MYO5B: variants seen among roughly 807,000 people sequenced by gnomAD.
The protein encoded by MYO5B is unconventional myosin-Vb.
A neutral mutation model predicts 229.3 loss-of-function variants in MYO5B; 143 were observed. The ratio of observed to expected loss-of-function variants is 0.62; its 90% CI spans 0.54 to 0.72. The LOEUF (loss-of-function observed/expected upper bound fraction) is 0.72. MYO5B is among the 30% of genes least tolerant of loss of function. The probability of loss-of-function intolerance (pLI) is 0.00; values close to 1 mark genes in which losing one functional copy is unlikely to be tolerated. For synonymous variants in MYO5B, 918 were observed against 885.2 expected, an observed-to-expected ratio of 1.04 and a Z score of -0.66; for missense variants, 2,321 against 2,331.0, an observed-to-expected ratio of 1.00 and a Z score of 0.09.
At chr18:50,077,168 T>TTA (rs1491407015) in intron 1 of MYO5B, among the ~76,000 whole-genome samples, 2 of 81,232 alleles carry the variant, frequency 2.5e-5, no homozygotes, top group Non-Finnish European at 4.6e-5. Context: ...TGTGGCAAAG[T>TTA]AAAAAAAAAA....
chr18:49,910,723 G>A lies in MYO5B; in HGVS notation c.2202+1339C>T, dbSNP rs991749964. Among the ~76,000 whole-genome samples the A allele has an allele frequency of 4.6e-5, 7 of 152,254 alleles. No individual in the cohort carries two copies. The East Asian group carries it at 7.7e-4, about 17-fold the overall frequency. On this transcript the variant is annotated intron_variant, in intron 18 of 39. Transcript: ENST00000285039. The stretch of plus-strand genomic sequence containing the variant: ...AAGATGATGCTGGGAAGATGGCTGC[G>A]ACACATTTACAAAATAAAACATGAC...
At chr18:49,837,496 T>TG (rs764095230) in intron 37 of MYO5B, 21 bp downstream of exon 37, 21 of 1,613,306 alleles carry the variant, frequency 1.3e-5, no homozygotes, top group Non-Finnish European at 1.6e-5. Context: ...TCTGTGTTGT[T>TG]GGGGGGTGCT....
At chr18:50,091,070 A>G (rs936249510) in intron 1 of MYO5B, among the ~76,000 whole-genome samples, 2 of 148,714 alleles carry the variant, frequency 1.3e-5, no homozygotes, top group East Asian at 4.1e-4. Context: ...AGCATGAGAG[A>G]ATTCCCCCAG....
At chr18:49,953,457 A>C in intron 13 of MYO5B, 114 bp from the exon 14 acceptor site, 1 of 866,646 alleles carries the variant, frequency 1.2e-6, no homozygotes. Flanking sequence ...TAGATAGGAA[A>C]CCCACAGATG....
intron 27 of MYO5B, among the ~76,000 whole-genome samples, chr18:49,868,507 C>T (rs2024422499): frequency 6.6e-6 from 1 of 152,216 alleles, no homozygotes; most frequent in African/African-American, 2.4e-5. Flanking sequence ...TTGAATCCAG[C>T]TCTGGCTGAT....
chr18:50,055,250 C>T lies in MYO5B; in HGVS notation c.138+18G>A, dbSNP rs773939675. 2 of 1,339,642 alleles carry T rather than the reference C, an allele frequency of 1.5e-6. No homozygotes were observed. The highest frequency in any genetic ancestry group is 2.1e-6 in the Non-Finnish European group (2 of 935,778). The allele number at this position is 1,339,642 out of a possible 1,614,324, so 83.0% of individuals were successfully genotyped here. On this transcript the variant is annotated intron_variant, in intron 2 of 39. Coordinates refer to ENST00000285039, the MANE Select transcript of MYO5B (RefSeq NM_001080467.3). Reference sequence around the variant, plus strand: ...GCCCCACCTCACCCCCGCCCCCCTGCCCCGGACTCACTCTTACCGTTTCAT... The same window carrying T: ...GCCCCACCTCACCCCCGCCCCCCTGTCCCGGACTCACTCTTACCGTTTCAT...
At chr18:49,959,762 G>T (rs1446976638) in intron 12 of MYO5B, among the ~76,000 whole-genome samples, 1 of 152,134 alleles carries the variant, frequency 6.6e-6, no homozygotes, top group Non-Finnish European at 1.5e-5. Flanking sequence ...ATGGGAAGAG[G>T]ATATTAGGAA....
intron 17 of MYO5B, among the ~76,000 whole-genome samples, chr18:49,928,884 G>A (rs2025158388): frequency 6.6e-6 from 1 of 152,152 alleles, no homozygotes; most frequent in Non-Finnish European, 1.5e-5. Context: ...ACAAAAGATG[G>A]TACATTCTCA....
intron 13 of MYO5B, among the ~76,000 whole-genome samples, chr18:49,953,651 C>A (rs2025452997): frequency 6.6e-6 from 1 of 152,154 alleles, no homozygotes; most frequent in East Asian, 1.9e-4. Context: ...TTTAACAAGA[C>A]CCTAGGTGAT....
intron 22 of MYO5B, among the ~76,000 whole-genome samples, chr18:49,881,545 G>A (rs1201074154): frequency 6.6e-6 from 1 of 152,258 alleles, no homozygotes; most frequent in South Asian, 2.1e-4. Flanking sequence ...GCTCACACCT[G>A]TAATCCCAGC....
intron 1 of MYO5B, among the ~76,000 whole-genome samples, chr18:50,164,798 T>C (rs559786928): frequency 6.6e-6 from 1 of 152,340 alleles, no homozygotes; most frequent in African/African-American, 2.4e-5. Context: ...TGTGTCAGTA[T>C]GTTCTCATTG....
chr18:50,041,332 C>T (rs2030009121), intron 2 of MYO5B, among the ~76,000 whole-genome samples: 1 of 152,156 alleles, frequency 6.6e-6, no homozygotes, highest in Non-Finnish European at 1.5e-5. Flanking sequence ...ACTCAATTTA[C>T]TGGGGTAATA....
At chr18:49,930,502 G>A (rs1406895391) in intron 16 of MYO5B, among the ~76,000 whole-genome samples, 1 of 152,150 alleles carries the variant, frequency 6.6e-6, no homozygotes, top group Non-Finnish European at 1.5e-5. Context: ...CGCTTGAAGA[G>A]GAAATTTTAT....
intron 1 of MYO5B, among the ~76,000 whole-genome samples, chr18:50,166,577 T>A (rs1035737316): frequency 4.6e-5 from 7 of 152,168 alleles, no homozygotes; most frequent in African/African-American, 1.4e-4. Flanking sequence ...TTTTTCATTT[T>A]AAAAACCACA....
chr18:49,843,250 TTTC>T lies in MYO5B; in HGVS notation c.4599_4601del (p.Lys1534del). 1 of 1,614,130 alleles carries T rather than the reference TTTC, an allele frequency of 6.2e-7. No homozygotes were observed. On this transcript the variant is annotated inframe_deletion, in exon 34 of 40. Coordinates refer to ENST00000285039, the MANE Select transcript of MYO5B (RefSeq NM_001080467.3). ...TGCAGGGGCTGCTTACTTTCAGGAC[TTTC>T]TTAATGCCGTTGATGGTGGAGGTCA...
intron 33 of MYO5B, 109 bp downstream of exon 33, chr18:49,847,037 G>C (rs2024137031): frequency 7.2e-7 from 1 of 1,397,736 alleles, no homozygotes; most frequent in Non-Finnish European, 1.0e-6. Context: ...AGAGGGTGGG[G>C]GCTGTGCAGG....
At chr18:49,836,927 C>G in intron 37 of MYO5B, 42 bp from the exon 38 acceptor site, 1 of 1,593,732 alleles carries the variant, frequency 6.3e-7, no homozygotes. Flanking sequence ...AGCCGGTCCT[C>G]CTAATTCACT....
At chr18:49,829,049 C>T (rs1425063765) in intron 39 of MYO5B, among the ~76,000 whole-genome samples, 1 of 148,462 alleles carries the variant, frequency 6.7e-6, no homozygotes, top group Non-Finnish European at 1.5e-5. Flanking sequence ...ATACCCAAAA[C>T]AAATGAAATC....
intron 4 of MYO5B, among the ~76,000 whole-genome samples, chr18:50,036,000 C>T (rs2026444096): frequency 6.6e-6 from 1 of 152,142 alleles, no homozygotes; most frequent in Admixed American, 6.5e-5. Flanking sequence ...GCACAGACCA[C>T]CTAGAATGGG....
Sources: allele counts gnomAD v4.1 joint callset (sites outside exome capture counted in the v4.1 genomes callset), GRCh38; gene constraint gnomAD v4.1.1; transcripts MANE v1.5; gene names NCBI Gene and HGNC (gene_info 2026-07-23, HGNC 2026-07-21).